ZNF90: variants seen among roughly 807,000 people sequenced by gnomAD.
ZNF90 encodes the protein zinc finger protein HTF9.
ZNF90 carries 11 observed loss-of-function variants against 12.0 expected under a neutral mutation model. The ratio of observed to expected loss-of-function variants is 0.92; its 90% CI spans 0.58 to 1.52. The LOEUF (loss-of-function observed/expected upper bound fraction) is 1.52. Ranked by LOEUF, ZNF90 falls within the 40% of genes most tolerant of loss-of-function variation. ZNF90 has a pLI of 0.00. For missense variants in ZNF90, 765 were observed against 711.5 expected (o/e 1.08, Z -0.86); for synonymous variants, 232 against 240.1 (o/e 0.97, Z 0.31).
Position 20,117,856 on chromosome 19 carries a change from C to G in ZNF90, c.302C>G (p.Thr101Arg). The change falls in exon 4 of 4, where the codon ACA (threonine) becomes AGA (arginine). Residue 101 changes from threonine (T) to arginine (R), a missense_variant. Thr to Arg is a moderately conservative substitution (Grantham distance 71). Transcript: ENST00000418063. ...LKDSFQKVIV[T>R]RYEKREYGNL... ...GATTCCTTCCAAAAAGTGATAGTGA[C>G]AAGATATGAAAAACGTGAATATGGC... The G allele has an allele frequency of 6.2e-7, 1 of 1,606,722 alleles. No individual in the cohort carries two copies. The highest frequency in any genetic ancestry group is 8.5e-7 in the Non-Finnish European group (1 of 1,176,800).
intron 3 of ZNF90, among the ~76,000 whole-genome samples, chr19:20,107,296 G>C (rs1490006782): frequency 6.6e-6 from 1 of 152,216 alleles, no homozygotes; most frequent in Non-Finnish European, 1.5e-5. Context: ...GATGGTTACA[G>C]AGTAAGTTCT....
intron 1 of ZNF90, among the ~76,000 whole-genome samples, chr19:20,095,432 A>C (rs1342146895): frequency 6.6e-6 from 1 of 152,082 alleles, no homozygotes; most frequent in East Asian, 1.9e-4. Flanking sequence ...TTGAGGACAC[A>C]GGCTAAAGGA....
intron 1 of ZNF90, among the ~76,000 whole-genome samples, chr19:20,085,268 C>CTTTTTTTTTTCTTTCTTTT (rs56068843): frequency 3.7e-5 from 5 of 135,570 alleles, no homozygotes; most frequent in African/African-American, 8.8e-5. Context: ...TTGCATTGGT[C>CTTTTTTTTTTCTTTCTTTT]TTTTTTTTTT....
At position 20,096,411 on chromosome 19, in the gene ZNF90, G is replaced by T. The variant is rs527597311; in HGVS notation, c.4-7828G>T. On this transcript the variant is annotated intron_variant, in intron 1 of 3. Transcript: ENST00000418063. ...AAAGCTTTTAATCACCTGAGTGCAG[G>T]TGGGCTGATTCCGAAAAGAGAGTCA... Among the ~76,000 whole-genome samples, 10 of 152,254 alleles carry T rather than the reference G, an allele frequency of 6.6e-5. No individual in the cohort carries two copies. The South Asian group carries it at 1.9e-3, about 28-fold the overall frequency.
Position 20,078,007 on chromosome 19 carries a change from C to G in ZNF90, c.-126C>G. The G allele has an allele frequency of 7.8e-7, 1 of 1,285,336 alleles. No homozygotes were observed. The highest frequency in any genetic ancestry group is 1.1e-6 in the Non-Finnish European group (1 of 883,926). The allele number at this position is 1,285,336 out of a possible 1,614,324, so 79.6% of individuals were successfully genotyped here. On this transcript the variant is annotated 5_prime_UTR_variant, in exon 1 of 4. Transcript: ENST00000418063. The stretch of plus-strand genomic sequence containing the variant: ...TTTCGGGTTTGGCGCGGCCATTTGT[C>G]TCTTGCTGCAGCTGGTGCTCCAAAT...
intron 3 of ZNF90, among the ~76,000 whole-genome samples, chr19:20,107,344 ATCCT>A (rs2089048966): frequency 1.3e-5 from 2 of 152,140 alleles, no homozygotes; most frequent in African/African-American, 4.8e-5. Flanking sequence ...AATAAACCCG[ATCCT>A]GGTCTGTAGC....
intron 3 of ZNF90, among the ~76,000 whole-genome samples, chr19:20,113,329 TACATTCGTG>T (rs1461823170): frequency 3.2e-4 from 48 of 152,170 alleles, no homozygotes; most frequent in South Asian, 1.9e-3. Flanking sequence ...TAGCTGGGAT[TACATTCGTG>T]CACTACAACG....
In ZNF90 at chr19:20,107,024, G is replaced by A. The variant is rs148053351; in HGVS notation, c.226+1708G>A. 976 of 454,442 alleles carry A rather than the reference G, an allele frequency of 2.1e-3. 8 individuals carry two copies. Among genetic ancestry groups the A allele is most frequent in the African/African-American group, 0.018 (910 of 50,110 alleles). The allele number at this position is 454,442 out of a possible 1,614,324, so 28.2% of individuals were successfully genotyped here. A position where few individuals can be genotyped will look rare whatever the true frequency, so the allele number is the denominator to read the frequency against. ...TTTGCAGTCGGGTCTGCATATGGTG[G>A]GCCTTGTATCAGGATGTGGATGAGT... On this transcript the variant is annotated intron_variant, in intron 3 of 3. Transcript: ENST00000418063.
At position 20,120,750 on chromosome 19, in the gene ZNF90, G is replaced by T. The variant is rs1186626308; in HGVS notation, c.*1390G>T. The T allele has an allele frequency of 6.6e-6, 1 of 152,046 alleles. No individual in the cohort carries two copies. The highest frequency in any genetic ancestry group is 1.5e-5 in the Non-Finnish European group (1 of 68,006). The allele number at this position is 152,046 out of a possible 1,614,324, so 9.4% of individuals were successfully genotyped here. ...AGATAAATTATATATAGCTTTAAAA[G>T]GTTTTTTGAAGCATTGTAATTACAT... On this transcript the variant is annotated 3_prime_UTR_variant, in exon 4 of 4. Coordinates refer to ENST00000418063, the MANE Select transcript of ZNF90 (RefSeq NM_007138.2).
chr19:20,105,173 A>G (rs1654266), intron 2 of ZNF90, 48 bp from the exon 3 acceptor site: 458,359 of 1,445,822 alleles, frequency 0.32, 76,144 homozygotes, highest in East Asian at 0.46. Flanking sequence ...CTAGCTTGTA[A>G]TTGGAGAATA....
intron 1 of ZNF90, among the ~76,000 whole-genome samples, chr19:20,102,317 T>TCCTACTCACCTGACTTATACC (rs2122503890): frequency 6.6e-6 from 1 of 152,272 alleles, no homozygotes; most frequent in South Asian, 2.1e-4. Flanking sequence ...CCTGAGTCAC[T>TCCTACTCACCTGACTTATACC]CCTACTCACC....
intron 3 of ZNF90, among the ~76,000 whole-genome samples, chr19:20,105,932 T>A (rs1172436175): frequency 6.6e-6 from 1 of 152,054 alleles, no homozygotes; most frequent in African/African-American, 2.4e-5. Flanking sequence ...TGCTAGGAAG[T>A]TTATTGAATC....
chr19:20,117,026 T>A (rs1555705732), intron 3 of ZNF90, among the ~76,000 whole-genome samples: 3 of 147,342 alleles, frequency 2.0e-5, no homozygotes, highest in African/African-American at 7.5e-5. Flanking sequence ...TGTGTGTGTG[T>A]GTGTGTGTGT....
At chr19:20,114,588 TATTA>T (rs576668672) in intron 3 of ZNF90, among the ~76,000 whole-genome samples, 106 of 152,310 alleles carry the variant, frequency 7.0e-4, no homozygotes, top group South Asian at 2.9e-3. Flanking sequence ...TTTGTACATT[TATTA>T]ATTATTTGTA....
Position 20,118,704 on chromosome 19 carries a change from C to T in ZNF90, c.1150C>T (p.Leu384Phe). The change falls in exon 4 of 4, where the codon CTT (leucine) becomes TTT (phenylalanine). Residue 384 changes from leucine to phenylalanine, a missense_variant. Transcript: ENST00000418063. Reference sequence around the variant, plus strand: ...CAAAGCATTTATTTCATCCTCACTCCTTTATAAACATAAGATAAGTCATAG... The same window carrying T: ...CAAAGCATTTATTTCATCCTCACTCTTTTATAAACATAAGATAAGTCATAG... The part of the protein sequence containing the change: ...CGKAFISSSL[L>F]YKHKISHSEK... 6.4e-7 allele frequency: 1 copy of T among 1,565,240 alleles called. No individual in the cohort carries two copies. The highest frequency in any genetic ancestry group is 1.4e-5 in the African/African-American group (1 of 73,652).
intron 1 of ZNF90, 144 bp from the exon 2 acceptor site, chr19:20,104,095 G>T: frequency 3.3e-6 from 4 of 1,226,898 alleles, no homozygotes; most frequent in Non-Finnish European, 4.4e-6. Flanking sequence ...TTTTTGTGTT[G>T]GAAATTGTTT....
intron 1 of ZNF90, among the ~76,000 whole-genome samples, chr19:20,097,892 A>G (rs1006651230): frequency 6.6e-6 from 1 of 152,238 alleles, no homozygotes; most frequent in Non-Finnish European, 1.5e-5. Flanking sequence ...ATATCTAATC[A>G]ATAATCAATG....
chr19:20,117,932 C>G lies in ZNF90; in HGVS notation c.378C>G (p.His126Gln). The change falls in exon 4 of 4, where the codon CAC (histidine) becomes CAG (glutamine). Residue 126 changes from histidine to glutamine, a missense_variant. Coordinates refer to ENST00000418063, the MANE Select transcript of ZNF90 (RefSeq NM_007138.2). ...GCESVDEGKV[H>Q]KRGYNGLNQC... ...AAAGTGTGGATGAGGGTAAAGTACA[C>G]AAAAGAGGTTATAATGGACTTAACC... 6.2e-7 allele frequency: 1 copy of G among 1,613,372 alleles called. No individual in the cohort carries two copies. Among genetic ancestry groups the G allele is most frequent in the Non-Finnish European group, 8.5e-7 (1 of 1,179,758 alleles).
At chr19:20,110,056 A>G (rs1229422690) in intron 3 of ZNF90, among the ~76,000 whole-genome samples, 1 of 152,150 alleles carries the variant, frequency 6.6e-6, no homozygotes, top group Non-Finnish European at 1.5e-5. Context: ...TAATTTTGTT[A>G]CTGTATTAAT....
Sources: gnomAD v4.1 joint callset for allele counts (sites outside exome capture counted in the v4.1 genomes callset) on GRCh38, gnomAD v4.1.1 for gene constraint, MANE v1.5 for transcripts, NCBI Gene and HGNC (gene_info 2026-07-23, HGNC 2026-07-21) for gene names.